LHFPL2: variants seen among roughly 807,000 people sequenced by gnomAD.
LHFPL2 encodes LHFPL tetraspan subfamily member 2.
LHFPL2 carries 7 observed loss-of-function variants against 17.5 expected under a neutral mutation model. The observed-to-expected ratio is 0.40, with a 90% CI of 0.23 to 0.75. LHFPL2 has a LOEUF of 0.75. Among genes scored for constraint, LHFPL2 ranks in the 30% least tolerant of loss-of-function variants. The pLI is 0.37. For synonymous variants in LHFPL2, 134 were observed against 116.2 expected, an observed-to-expected ratio of 1.15 and a Z score of -0.99; for missense variants, 241 against 294.8, an observed-to-expected ratio of 0.82 and a Z score of 1.34.
chr5:78,559,382 A>G (rs1342930961), intron 3 of LHFPL2, among the ~76,000 whole-genome samples: 1 of 152,208 alleles, frequency 6.6e-6, no homozygotes, highest in Non-Finnish European at 1.5e-5. Context: ...GATATACTAC[A>G]AAACTCACAC....
intron 4 of LHFPL2, among the ~76,000 whole-genome samples, chr5:78,503,416 G>A (rs1033172106): frequency 6.6e-6 from 1 of 152,130 alleles, no homozygotes; most frequent in African/African-American, 2.4e-5. Flanking sequence ...TCCCCGTCTT[G>A]GCCAGGTGCG....
intron 3 of LHFPL2, among the ~76,000 whole-genome samples, chr5:78,538,879 C>T (rs767509599): frequency 2.0e-5 from 3 of 152,204 alleles, no homozygotes; most frequent in Non-Finnish European, 4.4e-5. Context: ...TGTCCAGTGA[C>T]CTAGCACCAA....
intron 3 of LHFPL2, among the ~76,000 whole-genome samples, chr5:78,550,763 G>A (rs1464593488): frequency 6.6e-6 from 1 of 152,038 alleles, no homozygotes; most frequent in Non-Finnish European, 1.5e-5. Flanking sequence ...TAGACACGAG[G>A]TTTTGCCATG....
chr5:78,511,787 T>C (rs774599877), intron 3 of LHFPL2, among the ~76,000 whole-genome samples: 1 of 152,220 alleles, frequency 6.6e-6, no homozygotes, highest in Non-Finnish European at 1.5e-5. Flanking sequence ...CCTCATATCA[T>C]GGTAGTTGCT....
chr5:78,586,728 A>G (rs1334826241), intron 2 of LHFPL2, among the ~76,000 whole-genome samples: 7 of 147,466 alleles, frequency 4.7e-5, no homozygotes, highest in Non-Finnish European at 8.8e-5. Context: ...TATAGGGGGG[A>G]AAAAAAAGCC....
intron 4 of LHFPL2, among the ~76,000 whole-genome samples, chr5:78,497,018 T>C (rs545814637): frequency 2.6e-5 from 4 of 152,244 alleles, no homozygotes; most frequent in Non-Finnish European, 5.9e-5. Context: ...AGCAAGGCAC[T>C]TGAAAATTAT....
Position 78,521,945 on chromosome 5 carries a change from C to G in LHFPL2, c.-185-11547G>C, listed in dbSNP as rs190986872. Among the ~76,000 whole-genome samples, 330 of 152,254 alleles carry G rather than the reference C, an allele frequency of 2.2e-3. 2 individuals carry two copies. The highest frequency in any genetic ancestry group is 7.5e-3 in the African/African-American group (310 of 41,544). ...ACCCTATGCTGTGTGCAGATACGAC[C>G]CCTACTCCCACCCCAGGAAACCAAG... On this transcript the variant is annotated intron_variant, in intron 3 of 4. Coordinates refer to ENST00000380345, the MANE Select transcript of LHFPL2 (RefSeq NM_005779.3).
chr5:78,616,502 AG>A (rs1324491442), intron 2 of LHFPL2, among the ~76,000 whole-genome samples: 44 of 152,286 alleles, frequency 2.9e-4, no homozygotes, highest in African/African-American at 9.6e-4. Context: ...GTCACGAAAG[AG>A]GTTACAGTAA....
chr5:78,632,704 C>T (rs1475389032), intron 1 of LHFPL2, among the ~76,000 whole-genome samples: 6 of 152,150 alleles, frequency 3.9e-5, no homozygotes, highest in Non-Finnish European at 8.8e-5. Context: ...TGATGGGTTC[C>T]CTGCCCTCAG....
At chr5:78,551,126 C>A (rs1756428395) in intron 3 of LHFPL2, among the ~76,000 whole-genome samples, 1 of 152,138 alleles carries the variant, frequency 6.6e-6, no homozygotes, top group Non-Finnish European at 1.5e-5. Flanking sequence ...ATCAGGGAAA[C>A]ATCTCCTGGA....
At chr5:78,573,783 A>G (rs1231582129) in intron 2 of LHFPL2, among the ~76,000 whole-genome samples, 9 of 152,360 alleles carry the variant, frequency 5.9e-5, no homozygotes, top group Non-Finnish European at 1.5e-5. Context: ...CACAAGTTTT[A>G]AAATTCTAAT....
intron 1 of LHFPL2, among the ~76,000 whole-genome samples, chr5:78,643,301 G>T (rs1389986149): frequency 1.3e-5 from 2 of 152,122 alleles, no homozygotes; most frequent in Non-Finnish European, 2.9e-5. Context: ...CCTTGAAGGT[G>T]CATGATGAAC....
At chr5:78,628,248 A>C (rs1369293045) in intron 2 of LHFPL2, among the ~76,000 whole-genome samples, 2 of 152,200 alleles carry the variant, frequency 1.3e-5, no homozygotes, top group African/African-American at 2.4e-5. Context: ...CCTCAGTAAC[A>C]ACCACAAAAT....
chr5:78,548,470 A>G (rs937204612), intron 3 of LHFPL2, among the ~76,000 whole-genome samples: 1 of 152,228 alleles, frequency 6.6e-6, no homozygotes, highest in Non-Finnish European at 1.5e-5. Context: ...TTGCCCCTGG[A>G]GCCAGTAATA....
intron 2 of LHFPL2, among the ~76,000 whole-genome samples, chr5:78,624,005 G>A (rs1015062730): frequency 2.0e-5 from 3 of 152,312 alleles, no homozygotes; most frequent in South Asian, 2.1e-4. Flanking sequence ...ACAAAGTAAC[G>A]ATTAATGCCA....
intron 2 of LHFPL2, among the ~76,000 whole-genome samples, chr5:78,571,574 A>G (rs1757001090): frequency 6.6e-6 from 1 of 152,162 alleles, no homozygotes; most frequent in South Asian, 2.1e-4. Flanking sequence ...GTGACATCCA[A>G]AAATGACCAA....
At chr5:78,500,317 T>C (rs1446395033) in intron 4 of LHFPL2, among the ~76,000 whole-genome samples, 1 of 152,182 alleles carries the variant, frequency 6.6e-6, no homozygotes, top group African/African-American at 2.4e-5. Flanking sequence ...CTTTCCTGAT[T>C]GCCTCCTACC....
In LHFPL2 at chr5:78,580,328, G is replaced by A. The variant is rs569836014; in HGVS notation, c.-244-15457C>T. 2.0e-4 allele frequency among the ~76,000 whole-genome samples: 30 copies of A among 152,218 alleles called. No homozygotes were observed. The East Asian group carries it at 4.0e-3, about 21-fold the overall frequency. The stretch of plus-strand genomic sequence containing the variant: ...CACACTGATGGTAATTTCTTTTGCC[G>A]TGCAGAAGCTCTTTAGTTTAATTAG... On this transcript the variant is annotated intron_variant, in intron 2 of 4. Transcript: ENST00000380345.
intron 2 of LHFPL2, among the ~76,000 whole-genome samples, chr5:78,612,982 C>G (rs1324987989): frequency 6.6e-6 from 1 of 152,214 alleles, no homozygotes; most frequent in African/African-American, 2.4e-5. Context: ...AGCTGGTGAT[C>G]TTGAAGTTCT....
Sources: allele counts gnomAD v4.1 joint callset (sites outside exome capture counted in the v4.1 genomes callset), GRCh38; gene constraint gnomAD v4.1.1; transcripts MANE v1.5; gene names NCBI Gene and HGNC (gene_info 2026-07-23, HGNC 2026-07-21).